The following DCDC2C variants were observed in gnomAD, a reference collection of about 807,000 sequenced individuals.
DCDC2C encodes the protein doublecortin domain-containing protein 2C.
Under a neutral mutation model 45.0 loss-of-function variants are expected in DCDC2C, and 44 were observed. The observed-to-expected ratio is 0.98, with a 90% CI of 0.77 to 1.26. The LOEUF (loss-of-function observed/expected upper bound fraction) is 1.26. Among genes scored for constraint, DCDC2C ranks in the 50% most tolerant of loss-of-function variants. The pLI is 0.00. For synonymous variants in DCDC2C, 187 were observed against 178.8 expected, an observed-to-expected ratio of 1.05 and a Z score of -0.37; for missense variants, 447 against 468.9, an observed-to-expected ratio of 0.95 and a Z score of 0.43.
intron 10 of DCDC2C, among the ~76,000 whole-genome samples, chr2:3,811,571 T>G (rs1029590155): frequency 4.6e-5 from 7 of 152,236 alleles, no homozygotes; most frequent in African/African-American, 1.7e-4. Flanking sequence ...CACACTTTCT[T>G]TCTTTCTCTT....
intron 2 of DCDC2C, among the ~76,000 whole-genome samples, chr2:3,721,887 A>G (rs1035615224): frequency 5.3e-5 from 8 of 152,196 alleles, no homozygotes; most frequent in South Asian, 4.1e-4. Context: ...GCCTTCCTCC[A>G]TGATTGTGAG....
chr2:3,817,440 A>G (rs1268889848), intron 10 of DCDC2C, among the ~76,000 whole-genome samples: 1 of 152,186 alleles, frequency 6.6e-6, no homozygotes, highest in Non-Finnish European at 1.5e-5. Context: ...AGTTAAGGCA[A>G]TGAGTTTGGC....
intron 2 of DCDC2C, among the ~76,000 whole-genome samples, chr2:3,716,208 T>G (rs1389417906): frequency 6.6e-6 from 1 of 152,138 alleles, no homozygotes; most frequent in East Asian, 1.9e-4. Context: ...GGAGTCAGTG[T>G]GGGCAGAACA....
intron 2 of DCDC2C, among the ~76,000 whole-genome samples, chr2:3,711,281 C>G (rs901621480): frequency 6.6e-6 from 1 of 152,114 alleles, no homozygotes; most frequent in Admixed American, 6.5e-5. Context: ...CCCAGCAATG[C>G]CGTTACTGGG....
At chr2:3,785,771 T>C (rs563318294) in intron 10 of DCDC2C, among the ~76,000 whole-genome samples, 1 of 152,298 alleles carries the variant, frequency 6.6e-6, no homozygotes, top group East Asian at 1.9e-4. Context: ...TCTTTAGTTT[T>C]CCTAGACACC....
At chr2:3,832,273 A>G (rs1446042014) in intron 10 of DCDC2C, among the ~76,000 whole-genome samples, 2 of 152,230 alleles carry the variant, frequency 1.3e-5, no homozygotes, top group African/African-American at 2.4e-5. Context: ...ATTCCATTCA[A>G]AAGTAGACTC....
chr2:3,813,478 C>T lies in DCDC2C; in HGVS notation c.1065+28378C>T, dbSNP rs148529679. Among the ~76,000 whole-genome samples, 1,183 of 152,094 alleles carry T rather than the reference C, an allele frequency of 7.8e-3. 13 individuals are homozygous for T. The highest frequency in any genetic ancestry group is 0.027 in the African/African-American group (1,132 of 41,486). ...GAATATCCTTGTTAATTTTCTGTCT[C>T]GTTGATCTGTTTAATACTGACAATG... On this transcript the variant is annotated intron_variant, in intron 10 of 10. Transcript: ENST00000399143.
At chr2:3,838,179 T>A (rs958492643) in intron 10 of DCDC2C, among the ~76,000 whole-genome samples, 1 of 151,590 alleles carries the variant, frequency 6.6e-6, no homozygotes, top group Admixed American at 6.6e-5. Context: ...AAGGAGGATG[T>A]GGACAAGTCA....
chr2:3,776,068 C>T (rs1290660129), intron 8 of DCDC2C, among the ~76,000 whole-genome samples: 1 of 152,186 alleles, frequency 6.6e-6, no homozygotes, highest in Non-Finnish European at 1.5e-5. Context: ...AAGGAGAGGT[C>T]CGTCCTCTCC....
chr2:3,845,566 C>T (rs926944048), intron 10 of DCDC2C, among the ~76,000 whole-genome samples: 2 of 152,182 alleles, frequency 1.3e-5, no homozygotes, highest in African/African-American at 4.8e-5. Context: ...TTGACTAGAA[C>T]ACTCGTAACA....
intron 4 of DCDC2C, among the ~76,000 whole-genome samples, chr2:3,751,637 C>T (rs1479506745): frequency 1.3e-5 from 2 of 152,224 alleles, no homozygotes; most frequent in African/African-American, 4.8e-5. Flanking sequence ...AGCTCTGACG[C>T]CCAGCTCTGC....
intron 10 of DCDC2C, among the ~76,000 whole-genome samples, chr2:3,826,525 T>C (rs553528879): frequency 9.2e-5 from 14 of 152,280 alleles, no homozygotes; most frequent in African/African-American, 1.9e-4. Context: ...AGATATTTTA[T>C]AAATGAGGAA....
chr2:3,788,192 T>A (rs567240509), intron 10 of DCDC2C, among the ~76,000 whole-genome samples: 12 of 152,322 alleles, frequency 7.9e-5, no homozygotes, highest in Non-Finnish European at 1.2e-4. Context: ...ACAAATAGAT[T>A]TAAGAGAAGA....
chr2:3,770,458 T>C (rs975516691), intron 8 of DCDC2C, among the ~76,000 whole-genome samples: 2 of 152,264 alleles, frequency 1.3e-5, no homozygotes, highest in Admixed American at 1.3e-4. Flanking sequence ...TTTGGCATTT[T>C]GAGCACCTTT....
At chr2:3,736,211 C>A (rs912783621) in intron 3 of DCDC2C, among the ~76,000 whole-genome samples, 1 of 152,056 alleles carries the variant, frequency 6.6e-6, no homozygotes, top group Admixed American at 6.5e-5. Flanking sequence ...ATTCTAATAC[C>A]CCAATCCAGG....
At chr2:3,707,626 G>T (rs1668099904) in intron 1 of DCDC2C, among the ~76,000 whole-genome samples, 1 of 152,178 alleles carries the variant, frequency 6.6e-6, no homozygotes, top group East Asian at 1.9e-4. Context: ...TTGTTCAGAG[G>T]ACTTGGTTGT....
At chr2:3,845,733 T>TA (rs1284914136) in intron 10 of DCDC2C, among the ~76,000 whole-genome samples, 1 of 152,258 alleles carries the variant, frequency 6.6e-6, no homozygotes, top group Non-Finnish European at 1.5e-5. Flanking sequence ...ACTGCATTTC[T>TA]AATTACTTTC....
chr2:3,762,631 C>T (rs749335269), intron 6 of DCDC2C, among the ~76,000 whole-genome samples: 18 of 152,018 alleles, frequency 1.2e-4, no homozygotes, highest in Non-Finnish European at 1.9e-4. Context: ...AACCTGATCT[C>T]GTGAGAACTC....
chr2:3,729,351 G>A (rs530234388), intron 3 of DCDC2C, among the ~76,000 whole-genome samples: 42 of 152,356 alleles, frequency 2.8e-4, no homozygotes, highest in Admixed American at 1.4e-3. Flanking sequence ...CCCTCATTGC[G>A]AGACTGACGT....
Sources: allele counts gnomAD v4.1 joint callset (sites outside exome capture counted in the v4.1 genomes callset), GRCh38; gene constraint gnomAD v4.1.1; transcripts MANE v1.5; gene names NCBI Gene and HGNC (gene_info 2026-07-23, HGNC 2026-07-21).